Variants in NCKAP5 observed in about 807,000 individuals in gnomAD.
The protein encoded by NCKAP5 is NCK associated protein 5.
A neutral mutation model predicts 167.0 loss-of-function variants in NCKAP5; 92 were observed. That is an observed-to-expected ratio of 0.55 (90% CI 0.47 to 0.66). The LOEUF (loss-of-function observed/expected upper bound fraction) is 0.66. Ranked by LOEUF, NCKAP5 falls within the 30% of genes least tolerant of loss-of-function variation. The pLI is 0.00. For synonymous variants in NCKAP5, 891 were observed against 877.4 expected, an observed-to-expected ratio of 1.02 and a Z score of -0.27; for missense variants, 2,378 against 2,315.0, an observed-to-expected ratio of 1.03 and a Z score of -0.56.
chr2:133,429,487 C>A (rs578017280), intron 3 of NCKAP5, among the ~76,000 whole-genome samples: 1 of 152,022 alleles, frequency 6.6e-6, no homozygotes, highest in Non-Finnish European at 1.5e-5. Context: ...GCCTCCCTCC[C>A]TCCTTCAAGG....
intron 3 of NCKAP5, among the ~76,000 whole-genome samples, chr2:133,423,478 C>G (rs1329352565): frequency 6.6e-6 from 1 of 152,012 alleles, no homozygotes; most frequent in Non-Finnish European, 1.5e-5. Flanking sequence ...TATTCAGAAC[C>G]CTTTTTGCTT....
chr2:133,049,650 G>C (rs1220910124), intron 6 of NCKAP5, among the ~76,000 whole-genome samples: 1 of 151,894 alleles, frequency 6.6e-6, no homozygotes, highest in East Asian at 1.9e-4. Context: ...ATACTAACTG[G>C]TTTATTTCAT....
chr2:133,602,234 C>T, the NCKAP5 span, among the ~76,000 whole-genome samples: 1 of 152,106 alleles, frequency 6.6e-6, no homozygotes, highest in Non-Finnish European at 1.5e-5. Flanking sequence ...TGACCTGAGC[C>T]TTGGACATTT....
At chr2:133,013,013 C>A (rs1439190097) in intron 6 of NCKAP5, among the ~76,000 whole-genome samples, 1 of 152,196 alleles carries the variant, frequency 6.6e-6, no homozygotes, top group Non-Finnish European at 1.5e-5. Flanking sequence ...GGGCAGCATT[C>A]TCACCCCTTA....
At chr2:133,244,375 T>A (rs2087871843) in intron 4 of NCKAP5, among the ~76,000 whole-genome samples, 1 of 152,208 alleles carries the variant, frequency 6.6e-6, no homozygotes, top group South Asian at 2.1e-4. Context: ...TTCTCACTGA[T>A]TTTTTTCAGT....
At chr2:133,144,852 C>T (rs766132923) in intron 5 of NCKAP5, among the ~76,000 whole-genome samples, 1 of 152,030 alleles carries the variant, frequency 6.6e-6, no homozygotes, top group African/African-American at 2.4e-5. Context: ...TGCAGTCACT[C>T]GCTGCCGTGT....
chr2:133,299,659 G>A (rs1020269053), intron 4 of NCKAP5, among the ~76,000 whole-genome samples: 2 of 152,264 alleles, frequency 1.3e-5, no homozygotes, highest in East Asian at 3.9e-4. Flanking sequence ...GCTGAGGCAG[G>A]AGAACTGCTT....
rs187686675 is a variant in NCKAP5, at chr2:133,384,229, T to G, written c.70-81119A>C. ...TCTTTAATCCATCTTTAATTAATTT[T>G]TGTATAAAGTGTAAGGAAGGGATCC... On this transcript the variant is annotated intron_variant, in intron 3 of 19. Coordinates refer to ENST00000409261, the MANE Select transcript of NCKAP5 (RefSeq NM_207363.3). Among the ~76,000 whole-genome samples the G allele has an allele frequency of 1.6e-3, 250 of 152,354 alleles. 1 individual carries two copies. Among genetic ancestry groups the G allele is most frequent in the Middle Eastern group, 3.4e-3 (1 of 294 alleles).
chr2:133,140,039 A>G (rs2149833875), intron 5 of NCKAP5, among the ~76,000 whole-genome samples: 1 of 152,314 alleles, frequency 6.6e-6, no homozygotes, highest in African/African-American at 2.4e-5. Context: ...TTACTCAACC[A>G]GTGGGTCCTT....
chr2:133,660,353 T>C, the NCKAP5 span, among the ~76,000 whole-genome samples: 1 of 152,208 alleles, frequency 6.6e-6, no homozygotes, highest in Non-Finnish European at 1.5e-5. Context: ...ATTCAAATTT[T>C]TTATGTAAAG....
chr2:132,695,384 C>T lies in NCKAP5; in HGVS notation c.5714-22079G>A, dbSNP rs931419097. Among the ~76,000 whole-genome samples, 61 of 152,222 alleles carry T rather than the reference C, an allele frequency of 4.0e-4. 1 individual carries two copies. The highest frequency in any genetic ancestry group is 1.4e-3 in the African/African-American group (57 of 41,546). On this transcript the variant is annotated intron_variant, in intron 19 of 19. Transcript: ENST00000409261. ...GTCGGTTGAGAGTGGCACCTGGTTCCACGATGGGAAAAGCAATCTGGGGAG... is the reference window on the plus strand; with the variant it reads ...GTCGGTTGAGAGTGGCACCTGGTTCTACGATGGGAAAAGCAATCTGGGGAG...
intron 5 of NCKAP5, among the ~76,000 whole-genome samples, chr2:133,178,482 G>A (rs1559229805): frequency 8.8e-6 from 1 of 113,874 alleles, no homozygotes; most frequent in Non-Finnish European, 1.6e-5. Context: ...TCCAGCCTGG[G>A]TGACACAATG....
chr2:133,238,133 T>C (rs537520408), intron 4 of NCKAP5, among the ~76,000 whole-genome samples: 9 of 152,302 alleles, frequency 5.9e-5, no homozygotes, highest in African/African-American at 1.7e-4. Context: ...TTCCTCACTT[T>C]AGTTTTTCTC....
intron 8 of NCKAP5, among the ~76,000 whole-genome samples, chr2:132,956,976 T>C (rs976309745): frequency 1.3e-5 from 2 of 152,158 alleles, no homozygotes; most frequent in Non-Finnish European, 2.9e-5. Context: ...AACTCTGTCC[T>C]CTGCCCTCTT....
chr2:133,383,071 ATTTT>A (rs1281620778), intron 3 of NCKAP5, among the ~76,000 whole-genome samples: 1 of 151,792 alleles, frequency 6.6e-6, no homozygotes, highest in African/African-American at 2.4e-5. Flanking sequence ...TTTAAAAAAA[ATTTT>A]TTTATTATAC....
chr2:133,666,684 G>C, the NCKAP5 span, among the ~76,000 whole-genome samples: 2 of 151,476 alleles, frequency 1.3e-5, 1 homozygote, highest in African/African-American at 4.9e-5. Context: ...AATTATAATA[G>C]ATTAAAATAT....
chr2:133,047,094 A>AT (rs1320910275), intron 6 of NCKAP5, among the ~76,000 whole-genome samples: 1 of 152,052 alleles, frequency 6.6e-6, no homozygotes, highest in African/African-American at 2.4e-5. Context: ...ATTCAATGAC[A>AT]TTTTTTTCTG....
intron 11 of NCKAP5, among the ~76,000 whole-genome samples, chr2:132,849,648 G>A (rs1033488321): frequency 2.0e-5 from 3 of 152,126 alleles, no homozygotes; most frequent in African/African-American, 7.2e-5. Context: ...CTAACATTAA[G>A]GTACTAGACA....
chr2:133,545,793 G>A (rs10170172), intron 2 of NCKAP5, among the ~76,000 whole-genome samples: 89,452 of 152,032 alleles, frequency 0.59, 27,838 homozygotes, highest in East Asian at 0.96. Flanking sequence ...CAGTCCAAAC[G>A]CTTATCTTTT....
Sources: allele counts gnomAD v4.1 joint callset (sites outside exome capture counted in the v4.1 genomes callset), GRCh38; gene constraint gnomAD v4.1.1; transcripts MANE v1.5; gene names NCBI Gene and HGNC (gene_info 2026-07-23, HGNC 2026-07-21).